The following TCTN3 variants were observed in gnomAD, a reference collection of about 807,000 sequenced individuals.
TCTN3 encodes the protein tectonic family member 3, also known as tectonic-3.
In TCTN3, 57 loss-of-function variants were observed where a neutral mutation model predicts 71.3. That is an observed-to-expected ratio of 0.80 (90% CI 0.65 to 1.00). The LOEUF (loss-of-function observed/expected upper bound fraction) is 1.00, where lower values mean the gene tolerates loss of function less well. Among genes scored for constraint, TCTN3 ranks in the 50% least tolerant of loss-of-function variants. The pLI is 0.00. For synonymous variants in TCTN3, 258 were observed against 267.8 expected, an observed-to-expected ratio of 0.96 and a Z score of 0.36; for missense variants, 696 against 719.9, an observed-to-expected ratio of 0.97 and a Z score of 0.38.
chr10:95,681,641 G>A (rs1207243623), intron 12 of TCTN3, among the ~76,000 whole-genome samples: 1 of 152,090 alleles, frequency 6.6e-6, no homozygotes, highest in Non-Finnish European at 1.5e-5. Context: ...AATGCAGAAA[G>A]GCATATCATT....
chr10:95,685,607 C>T lies in TCTN3; in HGVS notation c.918G>A (p.Gln306=). 1 of 1,551,464 alleles carries T rather than the reference C, an allele frequency of 6.4e-7. No individual in the cohort carries two copies. The change falls in exon 8 of 14, where the codon CAG becomes CAA. Residue 306 remains glutamine (Q), a synonymous_variant. Coordinates refer to ENST00000371217, the MANE Select transcript of TCTN3 (RefSeq NM_015631.6). ...TTCCAGCCAACAGAGGAGCATTAGC[C>T]TGTGAGGTAAGTATTACAGGAACCT... is the stretch of plus-strand genomic sequence containing the variant. ...EFQVPVILTS[Q]ANAPLLAGNT...
In TCTN3 at chr10:95,693,497, G is replaced by C. The variant is rs370864578; in HGVS notation, c.257-21C>G. On this transcript the variant is annotated intron_variant, in intron 1 of 13. Coordinates refer to ENST00000371217, the MANE Select transcript of TCTN3 (RefSeq NM_015631.6). ...TAAGACTATGAAAGTACGACACAGA[G>C]TGAGTGGGATGAAGATCCCCAAACT... 29 of 1,551,974 alleles carry C rather than the reference G, an allele frequency of 1.9e-5. No homozygotes were observed. The African/African-American group carries it at 3.8e-4, about 21-fold the overall frequency.
intron 1 of TCTN3, 81 bp from the exon 2 acceptor site, chr10:95,693,557 CCA>C: frequency 6.5e-7 from 1 of 1,548,698 alleles, no homozygotes; most frequent in Non-Finnish European, 8.7e-7. Flanking sequence ...TCCGACAGCC[CCA>C]CTCCTGCTTT....
chr10:95,672,824 T>G (rs547693996), intron 13 of TCTN3, among the ~76,000 whole-genome samples: 2 of 151,750 alleles, frequency 1.3e-5, no homozygotes, highest in Admixed American at 6.6e-5. Flanking sequence ...TCTGAAGTAG[T>G]TGGGACTACA....
rs968147073 is a variant in TCTN3, at chr10:95,664,007, A to G, written c.*60T>C. On this transcript the variant is annotated 3_prime_UTR_variant, in exon 14 of 14. Coordinates refer to ENST00000371217, the MANE Select transcript of TCTN3 (RefSeq NM_015631.6). ...GCAGGTGAGGTTCTATTTAGCCAAG[A>G]TAAGTGGCTGCCTCAGAGTTTCTCA... The G allele has an allele frequency of 3.4e-6, 5 of 1,451,416 alleles. No homozygotes were observed. The highest frequency in any genetic ancestry group is 1.7e-5 in the Admixed American group (1 of 58,894). 89.9% of individuals were successfully genotyped at this position (1,451,416 alleles called of 1,614,324 possible). A position where few individuals can be genotyped will look rare whatever the true frequency, so the allele number is the denominator to read the frequency against.
rs559534486 is a variant in TCTN3 at position 95,666,001 on chromosome 10, C to T, written c.1591-1701G>A. Among the ~76,000 whole-genome samples the T allele has an allele frequency of 2.1e-3, 320 of 151,106 alleles. 1 individual carries two copies. Among genetic ancestry groups the T allele is most frequent in the Non-Finnish European group, 2.8e-4 (19 of 67,860 alleles). ...TGTCGCCCAGGCTGGAGTGCAGTGGCGTGATCTCGGCTCACTGCAAGCTCT... is the reference window on the plus strand; with the variant it reads ...TGTCGCCCAGGCTGGAGTGCAGTGGTGTGATCTCGGCTCACTGCAAGCTCT... On this transcript the variant is annotated intron_variant, in intron 13 of 13. Coordinates refer to ENST00000371217, the MANE Select transcript of TCTN3 (RefSeq NM_015631.6).
At chr10:95,683,719 C>G in intron 9 of TCTN3, 90 bp from the exon 10 acceptor site, 2 of 1,038,704 alleles carry the variant, frequency 1.9e-6, no homozygotes, top group Non-Finnish European at 2.8e-6. Context: ...TTCCTTAAGG[C>G]AAGGAAATGC....
chr10:95,679,216 C>T (rs1474551528), intron 13 of TCTN3, among the ~76,000 whole-genome samples: 1 of 152,144 alleles, frequency 6.6e-6, no homozygotes, highest in Admixed American at 6.5e-5. Flanking sequence ...AAAAAAAAGG[C>T]ACTGAGTGAC....
chr10:95,665,190 C>T (rs920617538), intron 13 of TCTN3, among the ~76,000 whole-genome samples: 1 of 152,138 alleles, frequency 6.6e-6, no homozygotes, highest in Non-Finnish European at 1.5e-5. Context: ...CTCACTGCAG[C>T]CTTGACCTCC....
intron 13 of TCTN3, among the ~76,000 whole-genome samples, chr10:95,665,818 A>C (rs529563331): frequency 6.6e-6 from 1 of 151,824 alleles, no homozygotes; most frequent in African/African-American, 2.4e-5. Context: ...TAATCTTGCT[A>C]TGTTGCCCAG....
chr10:95,664,405 C>A, intron 13 of TCTN3, 105 bp from the exon 14 acceptor site: 1 of 968,380 alleles, frequency 1.0e-6, no homozygotes, highest in South Asian at 1.5e-5. Flanking sequence ...ATGAATTATT[C>A]TAAGCAAGAT....
At chr10:95,685,491 A>C (rs2097947392) in intron 8 of TCTN3, 65 bp downstream of exon 8, 2 of 1,327,652 alleles carry the variant, frequency 1.5e-6, no homozygotes, top group Admixed American at 4.1e-5. Flanking sequence ...TTAATGGAAG[A>C]TGAGGCACCT....
At chr10:95,683,057 A>G (rs1356291076) in intron 11 of TCTN3, 44 bp downstream of exon 11, 3 of 1,544,420 alleles carry the variant, frequency 1.9e-6, no homozygotes, top group Non-Finnish European at 2.7e-6. Flanking sequence ...TATTCCCTAC[A>G]TATTCCCGAA....
intron 13 of TCTN3, among the ~76,000 whole-genome samples, chr10:95,672,094 AT>A (rs1467301768): frequency 5.0e-5 from 7 of 139,090 alleles, no homozygotes; most frequent in Non-Finnish European, 1.1e-4. Context: ...TTTCCAGTCT[AT>A]TCTCTGTCCC....
In TCTN3 at chr10:95,685,682, T is replaced by G. The variant is rs1200930618; in HGVS notation, c.889-46A>C. 7 of 1,424,116 alleles carry G rather than the reference T, an allele frequency of 4.9e-6. No individual in the cohort carries two copies. In the African/African-American group the frequency reaches 8.5e-5, roughly 17 times the overall value. The allele number at this position is 1,424,116 out of a possible 1,614,324, so 88.2% of individuals were successfully genotyped here. A position where few individuals can be genotyped will look rare whatever the true frequency, so the allele number is the denominator to read the frequency against. On this transcript the variant is annotated intron_variant, in intron 7 of 13. Coordinates refer to ENST00000371217, the MANE Select transcript of TCTN3 (RefSeq NM_015631.6). ...ATTAACTAAAACTGAAGGCGGTATT[T>G]TGTCTTGTATCTATTAATAGATATC...
At chr10:95,679,915 C>A (rs2097941249) in intron 13 of TCTN3, among the ~76,000 whole-genome samples, 1 of 152,132 alleles carries the variant, frequency 6.6e-6, no homozygotes, top group Non-Finnish European at 1.5e-5. Context: ...AATGAAAATA[C>A]CATGTTTTTA....
rs996394637 is a variant in TCTN3, at chr10:95,682,915, G to T, written c.1299-111C>A. On this transcript the variant is annotated intron_variant, in intron 11 of 13. Transcript: ENST00000371217. ...GAAATAATATAAAATAGACCAGAGG[G>T]TATAATCCTTAGTAGGTATTAACAA... 5 of 1,411,584 alleles carry T rather than the reference G, an allele frequency of 3.5e-6. No homozygotes were observed. The Admixed American group carries it at 1.1e-4, about 31-fold the overall frequency. 87.4% of individuals were successfully genotyped at this position (1,411,584 alleles called of 1,614,324 possible).
chr10:95,688,397 G>GAAAAAAAAAAA (rs60722894), intron 3 of TCTN3, among the ~76,000 whole-genome samples: 72 of 104,556 alleles, frequency 6.9e-4, no homozygotes, highest in African/African-American at 1.4e-3. Flanking sequence ...TCAAAAAAAA[G>GAAAAAAAAAAA]AAAAAAAAAA....
chr10:95,685,429 T>C (rs1378671987), intron 8 of TCTN3, 127 bp downstream of exon 8: 1 of 643,852 alleles, frequency 1.6e-6, no homozygotes, highest in East Asian at 3.0e-5. Context: ...AAGTTTGCAT[T>C]CCCAACATTG....
Sources: allele counts gnomAD v4.1 joint callset (sites outside exome capture counted in the v4.1 genomes callset), GRCh38; gene constraint gnomAD v4.1.1; transcripts MANE v1.5; gene names NCBI Gene and HGNC (gene_info 2026-07-23, HGNC 2026-07-21).